UBE2R2: variants seen among roughly 807,000 people sequenced by gnomAD.
UBE2R2 encodes ubiquitin-conjugating enzyme E2 R2.
A neutral mutation model predicts 27.8 loss-of-function variants in UBE2R2; 1 was observed. That is an observed-to-expected ratio of 0.04 (90% CI 0.01 to 0.17). The LOEUF is 0.17. Among genes scored for constraint, UBE2R2 ranks in the 10% least tolerant of loss-of-function variants. The pLI is 1.00. For synonymous variants in UBE2R2, 106 were observed against 113.3 expected, an observed-to-expected ratio of 0.94 and a Z score of 0.41; for missense variants, 100 against 291.0, an observed-to-expected ratio of 0.34 and a Z score of 4.78.
chr9:33,900,709 C>G (rs1822224006), intron 3 of UBE2R2, among the ~76,000 whole-genome samples: 1 of 151,948 alleles, frequency 6.6e-6, no homozygotes, highest in Non-Finnish European at 1.5e-5. Context: ...AAATATATAT[C>G]TATATATGTA....
intron 1 of UBE2R2, among the ~76,000 whole-genome samples, chr9:33,821,572 C>G (rs71519294): frequency 6.6e-6 from 1 of 151,940 alleles, no homozygotes; most frequent in African/African-American, 2.4e-5. Flanking sequence ...AGCAGTGAGT[C>G]TAGAGCCAGA....
At chr9:33,820,933 C>T (rs1359197292) in intron 1 of UBE2R2, among the ~76,000 whole-genome samples, 9 of 152,136 alleles carry the variant, frequency 5.9e-5, no homozygotes, top group Admixed American at 5.9e-4. Context: ...TTAATATCGC[C>T]AATCCACGTG....
intron 1 of UBE2R2, among the ~76,000 whole-genome samples, chr9:33,822,847 G>C (rs759157635): frequency 1.3e-5 from 2 of 150,812 alleles, no homozygotes; most frequent in Non-Finnish European, 2.9e-5. Context: ...ACTTAGCCTA[G>C]ATCTGGCAAT....
At chr9:33,879,849 A>C (rs1310372947) in intron 1 of UBE2R2, among the ~76,000 whole-genome samples, 1 of 136,666 alleles carries the variant, frequency 7.3e-6, no homozygotes, top group African/African-American at 2.8e-5. Context: ...GTTTAATTTC[A>C]TAGTCTGTCC....
intron 2 of UBE2R2, among the ~76,000 whole-genome samples, chr9:33,893,926 CA>C (rs1822040195): frequency 6.6e-6 from 1 of 152,122 alleles, no homozygotes; most frequent in African/African-American, 2.4e-5. Context: ...CCACTGTGCC[CA>C]GCTGACTTTT....
chr9:33,824,049 A>G (rs1337371949), intron 1 of UBE2R2, among the ~76,000 whole-genome samples: 1 of 152,226 alleles, frequency 6.6e-6, no homozygotes, highest in Non-Finnish European at 1.5e-5. Context: ...GGGTTTTGGA[A>G]ACTAAATGAA....
intron 1 of UBE2R2, among the ~76,000 whole-genome samples, chr9:33,862,112 C>G (rs1386827693): frequency 1.3e-5 from 2 of 152,062 alleles, no homozygotes; most frequent in Admixed American, 6.6e-5. Context: ...CTCGGCCTCC[C>G]AAAGTGCTGG....
At chr9:33,914,523 T>TG (rs1342294570) in intron 4 of UBE2R2, among the ~76,000 whole-genome samples, 1 of 152,136 alleles carries the variant, frequency 6.6e-6, no homozygotes, top group Non-Finnish European at 1.5e-5. Context: ...GAAGAGGTGA[T>TG]GCTATTTGAG....
At chr9:33,889,610 T>G (rs935707375) in intron 2 of UBE2R2, among the ~76,000 whole-genome samples, 6 of 152,224 alleles carry the variant, frequency 3.9e-5, no homozygotes, top group Non-Finnish European at 7.3e-5. Flanking sequence ...GCCTTTACAG[T>G]TACGTGGTGT....
Position 33,917,007 on chromosome 9 carries a change from C to T in UBE2R2, c.498-11C>T, listed in dbSNP as rs745812939. The T allele has an allele frequency of 3.1e-6, 5 of 1,613,892 alleles. No individual in the cohort carries two copies. The highest frequency in any genetic ancestry group is 1.3e-5 in the African/African-American group (1 of 74,874). On this transcript the variant is annotated splice_polypyrimidine_tract_variant and intron_variant, in intron 4 of 4. Transcript: ENST00000263228. ...TTACCGTAAACCATTTCTGTGTCAA[C>T]CTCCCTTCAGGAAACAAGTTTCAGC...
chr9:33,841,972 G>T (rs1020009985), intron 1 of UBE2R2, among the ~76,000 whole-genome samples: 1 of 152,022 alleles, frequency 6.6e-6, no homozygotes, highest in Non-Finnish European at 1.5e-5. Flanking sequence ...TTCATTACAT[G>T]CAATATTCTC....
intron 2 of UBE2R2, among the ~76,000 whole-genome samples, chr9:33,899,789 C>T (rs1822206869): frequency 6.6e-6 from 1 of 152,212 alleles, no homozygotes; most frequent in Admixed American, 6.5e-5. Context: ...TGAGACACCG[C>T]GCCCAGCCCC....
intron 1 of UBE2R2, among the ~76,000 whole-genome samples, chr9:33,873,992 G>A (rs926307678): frequency 6.7e-6 from 1 of 149,766 alleles, no homozygotes; most frequent in African/African-American, 2.5e-5. Flanking sequence ...CTGTCACCCA[G>A]GCTGGAGTGC....
intron 4 of UBE2R2, among the ~76,000 whole-genome samples, chr9:33,913,759 A>G (rs1299890948): frequency 6.6e-6 from 1 of 152,246 alleles, no homozygotes; most frequent in Non-Finnish European, 1.5e-5. Context: ...GCTGAGTAAT[A>G]TAAAATCAGC....
chr9:33,849,692 A>T (rs1820922013), intron 1 of UBE2R2, among the ~76,000 whole-genome samples: 1 of 22,326 alleles, frequency 4.5e-5, no homozygotes, highest in Admixed American at 7.4e-4. Flanking sequence ...TCTCTACTTA[A>T]AAAAAAAAAA....
intron 2 of UBE2R2, among the ~76,000 whole-genome samples, chr9:33,899,663 G>A (rs1822202694): frequency 6.6e-6 from 1 of 152,106 alleles, no homozygotes; most frequent in East Asian, 1.9e-4. Flanking sequence ...GTGAGCCACC[G>A]CGCCCAGCCA....
At chr9:33,885,101 A>T (rs1036431601) in intron 1 of UBE2R2, among the ~76,000 whole-genome samples, 3 of 152,202 alleles carry the variant, frequency 2.0e-5, no homozygotes, top group South Asian at 2.1e-4. Flanking sequence ...GTGTCATTGC[A>T]TGTCTTCAAC....
intron 1 of UBE2R2, among the ~76,000 whole-genome samples, chr9:33,829,793 GTTT>G (rs36079457): frequency 2.1e-5 from 2 of 97,180 alleles, no homozygotes; most frequent in African/African-American, 3.8e-5. Context: ...TAGTGCAATC[GTTT>G]TTTTTTTTTT....
intron 2 of UBE2R2, among the ~76,000 whole-genome samples, chr9:33,897,733 G>A (rs1822148111): frequency 6.6e-6 from 1 of 150,932 alleles, no homozygotes; most frequent in Admixed American, 6.6e-5. Flanking sequence ...CACCTCCCAC[G>A]CATTCACTGC....
Sources: gnomAD v4.1 joint callset for allele counts (sites outside exome capture counted in the v4.1 genomes callset) on GRCh38, gnomAD v4.1.1 for gene constraint, MANE v1.5 for transcripts, NCBI Gene and HGNC (gene_info 2026-07-23, HGNC 2026-07-21) for gene names.